UGT1A8: variants seen among roughly 807,000 people sequenced by gnomAD.
UGT1A8 encodes UDP-glucuronosyltransferase 1A8.
In UGT1A8, 39 loss-of-function variants were observed where a neutral mutation model predicts 45.3. The observed-to-expected ratio is 0.86, with a 90% CI of 0.67 to 1.12. The LOEUF is 1.12. Among genes scored for constraint, UGT1A8 ranks in the 50% most tolerant of loss-of-function variants. The pLI is 0.00. For missense variants in UGT1A8, 719 were observed against 664.9 expected (o/e 1.08, Z -0.90); for synonymous variants, 275 against 249.2 (o/e 1.10, Z -0.97).
At chr2:233,681,842 C>A in intron 1 of UGT1A8, 2 of 1,515,948 alleles carry the variant, frequency 1.3e-6, no homozygotes, top group Non-Finnish European at 1.8e-6. Context: ...TAAGTACACG[C>A]CTTCTTTTGA....
At chr2:233,724,213 C>T (rs2077189704) in intron 1 of UGT1A8, among the ~76,000 whole-genome samples, 2 of 128,964 alleles carry the variant, frequency 1.6e-5, no homozygotes, top group African/African-American at 3.1e-5. Context: ...CTGAGGGGCT[C>T]CTCACTTCCC....
intron 1 of UGT1A8, among the ~76,000 whole-genome samples, chr2:233,679,814 T>C (rs1281333604): frequency 1.3e-5 from 2 of 152,192 alleles, no homozygotes; most frequent in East Asian, 1.9e-4. Flanking sequence ...CTTTAAGTTG[T>C]CATAAAATGA....
At chr2:233,694,151 C>G (rs2075202420) in intron 1 of UGT1A8, among the ~76,000 whole-genome samples, 1 of 152,102 alleles carries the variant, frequency 6.6e-6, no homozygotes. Context: ...TAGAAATGTC[C>G]CAGTTCAAAC....
At chr2:233,729,445 C>G (rs375300323) in intron 1 of UGT1A8, 1 of 1,613,820 alleles carries the variant, frequency 6.2e-7, no homozygotes, top group African/African-American at 1.3e-5. Flanking sequence ...AGAACATTTT[C>G]TGAAGAAATT....
In UGT1A8 at chr2:233,760,344, G is replaced by A. The variant is rs897355036; in HGVS notation, c.856-6690G>A. The stretch of plus-strand genomic sequence containing the variant: ...TTGTCCTGGGCCTGCTGCTGTGTGT[G>A]CTGGGCCCAGTGGTGTCCCATGCTG... On this transcript the variant is annotated intron_variant, in intron 1 of 4. Transcript: ENST00000373450. 5.6e-6 allele frequency: 9 copies of A among 1,613,914 alleles called. No homozygotes were observed. The Admixed American group carries it at 1.3e-4, about 24-fold the overall frequency.
chr2:233,772,284 C>T lies in UGT1A8; in HGVS notation c.1318C>T (p.Leu440Phe), dbSNP rs1445186018. 3.1e-6 allele frequency: 5 copies of T among 1,614,128 alleles called. No homozygotes were observed. Among genetic ancestry groups the T allele is most frequent in the African/African-American group, 1.3e-5 (1 of 74,936 alleles). The change falls in exon 5 of 5, where the codon CTC becomes TTC. Residue 440 changes from leucine to phenylalanine, a missense_variant. Physicochemically the swap from Leu to Phe is conservative, Grantham distance 22. Transcript: ENST00000373450. ...TAGTTACAAGGAGAACATCATGCGC[C>T]TCTCCAGCCTTCACAAGGACCGCCC... Reference protein sequence around the residue: ...DKSYKENIMRLSSLHKDRPVE... With the variant: ...DKSYKENIMRFSSLHKDRPVE...
intron 2 of UGT1A8, 126 bp from the exon 3 acceptor site, chr2:233,767,723 C>T: frequency 1.3e-6 from 2 of 1,549,102 alleles, no homozygotes; most frequent in Non-Finnish European, 1.7e-6. Context: ...TTCACAGTTA[C>T]TGATCCTCCC....
At chr2:233,658,629 A>G (rs28969993) in intron 1 of UGT1A8, among the ~76,000 whole-genome samples, 1 of 152,084 alleles carries the variant, frequency 6.6e-6, no homozygotes, top group Non-Finnish European at 1.5e-5. Flanking sequence ...TGATGTTTTG[A>G]TCATGGTTAG....
chr2:233,749,081 G>T (rs958459779), intron 1 of UGT1A8, among the ~76,000 whole-genome samples: 3 of 151,758 alleles, frequency 2.0e-5, no homozygotes, highest in African/African-American at 7.3e-5. Context: ...TCCTTGGTGT[G>T]CCATGTATTT....
Position 233,772,277 on chromosome 2 carries a change from C to G in UGT1A8, c.1311C>G (p.Ile437Met). 1 of 1,614,240 alleles carries G rather than the reference C, an allele frequency of 6.2e-7. No individual in the cohort carries two copies. Among genetic ancestry groups the G allele is most frequent in the Non-Finnish European group, 8.5e-7 (1 of 1,180,042 alleles). Residue 437 changes from isoleucine (I) to methionine (M), a missense_variant, in exon 5 of 5, where the codon ATC (isoleucine) becomes ATG (methionine). Ile to Met is a conservative substitution (Grantham distance 10). Transcript: ENST00000373450. Reference protein sequence around the residue: ...VINDKSYKENIMRLSSLHKDR... With the variant: ...VINDKSYKENMMRLSSLHKDR... ...TTGTGTTTAGTTACAAGGAGAACAT[C>G]ATGCGCCTCTCCAGCCTTCACAAGG...
chr2:233,653,627 C>T (rs772124377), intron 1 of UGT1A8, among the ~76,000 whole-genome samples: 7 of 152,150 alleles, frequency 4.6e-5, no homozygotes, highest in East Asian at 1.9e-4. Context: ...GACAGAGTCT[C>T]GCTGTGTTGC....
chr2:233,751,278 T>A (rs932458563), intron 1 of UGT1A8, among the ~76,000 whole-genome samples: 3 of 151,934 alleles, frequency 2.0e-5, no homozygotes, highest in African/African-American at 7.3e-5. Flanking sequence ...TTTTGGCCAG[T>A]TTCTCCCATT....
chr2:233,659,200 G>A lies in UGT1A8; in HGVS notation c.855+40638G>A, dbSNP rs117317834. Among the ~76,000 whole-genome samples, 42 of 152,176 alleles carry A rather than the reference G, an allele frequency of 2.8e-4. 2 individuals are homozygous for A. The East Asian group carries it at 8.1e-3, about 29-fold the overall frequency. ...GTTAAGTGGTATTTTCATTCAATTT[G>A]CAATTGTTCATTGCTAGTACAGTTG... On this transcript the variant is annotated intron_variant, in intron 1 of 4. Transcript: ENST00000373450.
chr2:233,661,936 G>T (rs1259555058), intron 1 of UGT1A8, among the ~76,000 whole-genome samples: 1 of 151,920 alleles, frequency 6.6e-6, no homozygotes, highest in Non-Finnish European at 1.5e-5. Context: ...TGTTTACTGT[G>T]ATACACAATT....
chr2:233,729,151 C>G (rs780105483), intron 1 of UGT1A8: 3 of 1,613,562 alleles, frequency 1.9e-6, no homozygotes, highest in South Asian at 2.2e-5. Context: ...CCAGGTTCCC[C>G]TGCCGTGGCT....
At chr2:233,638,828 C>G (rs1455192290) in intron 1 of UGT1A8, among the ~76,000 whole-genome samples, 2 of 152,174 alleles carry the variant, frequency 1.3e-5, no homozygotes, top group Admixed American at 1.3e-4. Context: ...TTCTAAAAAG[C>G]AGGAAGACTA....
At chr2:233,667,023 C>T (rs533441677) in intron 1 of UGT1A8, among the ~76,000 whole-genome samples, 23 of 152,206 alleles carry the variant, frequency 1.5e-4, no homozygotes, top group African/African-American at 4.8e-4. Context: ...TGTGTATGTG[C>T]CACATTTTCT....
At chr2:233,704,539 G>A (rs1188358198) in intron 1 of UGT1A8, among the ~76,000 whole-genome samples, 3 of 151,844 alleles carry the variant, frequency 2.0e-5, no homozygotes, top group Non-Finnish European at 4.4e-5. Context: ...ACAATACATG[G>A]TGATAATATT....
chr2:233,717,415 G>C (rs565971108), intron 1 of UGT1A8, among the ~76,000 whole-genome samples: 2 of 152,300 alleles, frequency 1.3e-5, no homozygotes, highest in East Asian at 3.9e-4. Context: ...TGCCTCCCTT[G>C]AGCTGGGTGT....
Sources: allele counts gnomAD v4.1 joint callset (sites outside exome capture counted in the v4.1 genomes callset), GRCh38; gene constraint gnomAD v4.1.1; transcripts MANE v1.5; gene names NCBI Gene and HGNC (gene_info 2026-07-23, HGNC 2026-07-21).